The following RPS6KA2 variants were observed in gnomAD, a reference collection of about 807,000 sequenced individuals.
The protein encoded by RPS6KA2 is ribosomal protein S6 kinase alpha-2.
RPS6KA2 carries 42 observed loss-of-function variants against 91.8 expected under a neutral mutation model. That is an observed-to-expected ratio of 0.46 (90% CI 0.36 to 0.59). The LOEUF is 0.59. Ranked by LOEUF, RPS6KA2 falls within the 20% of genes least tolerant of loss-of-function variation. The probability of loss-of-function intolerance (pLI) is 0.00; values close to 1 mark genes in which losing one functional copy is unlikely to be tolerated. For missense variants in RPS6KA2, 798 were observed against 978.5 expected, an observed-to-expected ratio of 0.82 and a Z score of 2.46; for synonymous variants, 414 against 393.6, an observed-to-expected ratio of 1.05 and a Z score of -0.61.
chr6:166,462,704 A>G (rs1317616211), intron 11 of RPS6KA2, among the ~76,000 whole-genome samples: 1 of 152,140 alleles, frequency 6.6e-6, no homozygotes, highest in African/African-American at 2.4e-5. Flanking sequence ...TGTACCACAC[A>G]AATAGCTCCC....
At chr6:166,606,297 G>A (rs1335578743) in intron 1 of RPS6KA2, among the ~76,000 whole-genome samples, 1 of 152,224 alleles carries the variant, frequency 6.6e-6, no homozygotes, top group Non-Finnish European at 1.5e-5. Context: ...TGTGCACCAT[G>A]AGAGACCCAA....
chr6:166,462,961 G>C (rs967110732), intron 11 of RPS6KA2: 1 of 152,242 alleles, frequency 6.6e-6, no homozygotes, highest in African/African-American at 2.4e-5. Context: ...CTGTTCACTG[G>C]GGCCTGCAGA....
chr6:166,757,894 C>T, intron 2 of RPS6KA2: 1 of 254,030 alleles, frequency 3.9e-6, no homozygotes, highest in Non-Finnish European at 7.8e-6. Flanking sequence ...GCCTTCTCCT[C>T]TGATGAGAAT....
chr6:166,742,798 C>G (rs1488180959), intron 2 of RPS6KA2, among the ~76,000 whole-genome samples: 1 of 152,194 alleles, frequency 6.6e-6, no homozygotes, highest in Non-Finnish European at 1.5e-5. Flanking sequence ...ATTTTGTTAA[C>G]AGGTGAATGG....
intron 1 of RPS6KA2, among the ~76,000 whole-genome samples, chr6:166,584,682 A>G (rs1382489237): frequency 6.6e-6 from 1 of 152,206 alleles, no homozygotes; most frequent in Non-Finnish European, 1.5e-5. Context: ...TTTGCACTTT[A>G]TTTTATAGTA....
At chr6:166,820,902 A>G (rs2128623117) in intron 2 of RPS6KA2, among the ~76,000 whole-genome samples, 1 of 152,358 alleles carries the variant, frequency 6.6e-6, no homozygotes, top group East Asian at 1.9e-4. Flanking sequence ...TAGTTTAGGA[A>G]CATTATGTAA....
chr6:166,490,567 G>A lies in RPS6KA2; in HGVS notation c.818+104C>T, dbSNP rs528816390. 15 of 809,842 alleles carry A rather than the reference G, an allele frequency of 1.9e-5. No homozygotes were observed. Among genetic ancestry groups the A allele is most frequent in the Non-Finnish European group, 2.9e-5 (14 of 479,662 alleles). 50.2% of individuals were successfully genotyped at this position (809,842 alleles called of 1,614,324 possible). ...AGCTTACAATACTTTGGCACTGTAA[G>A]CCTAGCAATGTAATTAAAACTTCAC... On this transcript the variant is annotated intron_variant, in intron 9 of 20. Transcript: ENST00000265678. The surrounding 1 kb of genome is among the most constrained non-coding windows in gnomAD (Gnocchi z 4.2).
chr6:166,501,979 A>G (rs1275378061), intron 6 of RPS6KA2, among the ~76,000 whole-genome samples: 3 of 152,254 alleles, frequency 2.0e-5, no homozygotes, highest in East Asian at 1.9e-4. Context: ...GACAGGTATT[A>G]TATGATTTTA....
chr6:166,715,776 G>A (rs965369856), intron 2 of RPS6KA2, among the ~76,000 whole-genome samples: 1 of 152,164 alleles, frequency 6.6e-6, no homozygotes, highest in Non-Finnish European at 1.5e-5. Context: ...GGTGGCTCAC[G>A]CCTGTAATCC....
intron 1 of RPS6KA2, among the ~76,000 whole-genome samples, chr6:166,546,003 A>G (rs1783813830): frequency 6.6e-6 from 1 of 151,544 alleles, no homozygotes; most frequent in Admixed American, 6.6e-5. Flanking sequence ...CCAATCCTTA[A>G]CCTCCCTGGG....
chr6:166,561,586 C>G (rs1328809004), intron 1 of RPS6KA2, among the ~76,000 whole-genome samples: 2 of 151,784 alleles, frequency 1.3e-5, no homozygotes, highest in African/African-American at 4.8e-5. Flanking sequence ...TCAGTGCTTA[C>G]CTGTGACAGT....
rs542508012 is a variant in RPS6KA2 at position 166,535,020 on chromosome 6, T to C, written c.216+3648A>G. 1.4e-4 allele frequency among the ~76,000 whole-genome samples: 22 copies of C among 152,388 alleles called. 1 individual carries two copies. Among genetic ancestry groups the C allele is most frequent in the African/African-American group, 2.9e-4 (12 of 41,590 alleles). On this transcript the variant is annotated intron_variant, in intron 2 of 20. Coordinates refer to ENST00000265678, the MANE Select transcript of RPS6KA2 (RefSeq NM_021135.6). The stretch of plus-strand genomic sequence containing the variant: ...CCCTCTCTGCTGTCATTCTTGTCAC[T>C]GAAGATCAATTTTAATGTAGTGGAA...
chr6:166,796,910 C>T (rs772207746), intron 2 of RPS6KA2, among the ~76,000 whole-genome samples: 2 of 152,266 alleles, frequency 1.3e-5, no homozygotes, highest in African/African-American at 2.4e-5. Flanking sequence ...TTTTCTCCCG[C>T]TAATCTGGCT....
At chr6:166,450,508 AC>A (rs1292532613) in intron 13 of RPS6KA2, among the ~76,000 whole-genome samples, 2 of 143,908 alleles carry the variant, frequency 1.4e-5, no homozygotes, top group Middle Eastern at 8.4e-3. Context: ...CACCATGGGG[AC>A]CACCAGAGGG....
At chr6:166,499,394 T>A (rs372525930) in intron 7 of RPS6KA2, among the ~76,000 whole-genome samples, 134 of 152,284 alleles carry the variant, frequency 8.8e-4, no homozygotes, top group African/African-American at 3.1e-3. Flanking sequence ...TGGGCCACCT[T>A]ATGTGGCAGA....
At chr6:166,569,518 C>T (rs1476313371) in intron 1 of RPS6KA2, among the ~76,000 whole-genome samples, 1 of 151,510 alleles carries the variant, frequency 6.6e-6, no homozygotes, top group African/African-American at 2.4e-5. Context: ...TGGGTCCCTG[C>T]TGGGGCCGCC....
intron 2 of RPS6KA2, among the ~76,000 whole-genome samples, chr6:166,808,538 T>C (rs539853663): frequency 6.6e-6 from 1 of 152,348 alleles, no homozygotes; most frequent in South Asian, 2.1e-4. Context: ...GCCTGGCTCA[T>C]AGCAGAGATG....
intron 2 of RPS6KA2, among the ~76,000 whole-genome samples, chr6:166,690,564 G>A (rs1455572550): frequency 6.6e-6 from 1 of 152,056 alleles, no homozygotes; most frequent in Non-Finnish European, 1.5e-5. Context: ...GACACGCGTC[G>A]GAACTCCAGG....
chr6:166,497,572 A>G lies in RPS6KA2; in HGVS notation c.747+936T>C, dbSNP rs373991369. Among the ~76,000 whole-genome samples, 34 of 152,340 alleles carry G rather than the reference A, an allele frequency of 2.2e-4. No homozygotes were observed. The South Asian group carries it at 6.8e-3, about 31-fold the overall frequency. Reference sequence around the variant, plus strand: ...TGTGAGCTCCCGGGGCTGAGGCCGGAGCCTGGAGAGTGCTGCAGTGACCCA... The same window carrying G: ...TGTGAGCTCCCGGGGCTGAGGCCGGGGCCTGGAGAGTGCTGCAGTGACCCA... On this transcript the variant is annotated intron_variant, in intron 8 of 20. Coordinates refer to ENST00000265678, the MANE Select transcript of RPS6KA2 (RefSeq NM_021135.6).
Sources: gnomAD v4.1 joint callset for allele counts (sites outside exome capture counted in the v4.1 genomes callset) on GRCh38, gnomAD v4.1.1 for gene constraint, Gnocchi (gnomAD v3.1) non-coding constraint, MANE v1.5 for transcripts, NCBI Gene and HGNC (gene_info 2026-07-23, HGNC 2026-07-21) for gene names.